ARL9: variants seen among roughly 807,000 people sequenced by gnomAD.
The protein encoded by ARL9 is ADP-ribosylation factor-like protein 9.
Under a neutral mutation model 27.0 loss-of-function variants are expected in ARL9, and 14 were observed. The observed-to-expected ratio is 0.52, with a 90% confidence interval of 0.34 to 0.81. ARL9 has a LOEUF of 0.81. Ranked by LOEUF, ARL9 falls within the 30% of genes least tolerant of loss-of-function variation. The pLI is 0.01. For synonymous variants in ARL9, 106 were observed against 108.7 expected (o/e 0.98, Z 0.15); for missense variants, 294 against 290.0 (o/e 1.01, Z -0.10).
In ARL9 at chr4:56,505,908, CAGGAGG is replaced by C. The variant is rs1360205274; in HGVS notation, c.49_54del (p.Glu17_Glu18del). ...GAAGAAAGAGAAGGAAAAGGAGACG[CAGGAGG>C]AGAAAATCGGAGAAAAGGGTAGGGA... On this transcript the variant is annotated inframe_deletion, in exon 1 of 4. Coordinates refer to ENST00000640821, the MANE Select transcript of ARL9 (RefSeq NM_001363794.2). The C allele has an allele frequency of 1.6e-6, 2 of 1,248,276 alleles. No homozygotes were observed. The highest frequency in any genetic ancestry group is 3.9e-5 in the Admixed American group (1 of 25,948). 77.3% of individuals were successfully genotyped at this position (1,248,276 alleles called of 1,614,324 possible). A position where few individuals can be genotyped will look rare whatever the true frequency, so the allele number is the denominator to read the frequency against.
At position 56,511,352 on chromosome 4, in the gene ARL9, G is replaced by T; in HGVS notation, c.442+5G>T. The T allele has an allele frequency of 3.7e-6, 6 of 1,610,590 alleles. No homozygotes were observed. The highest frequency in any genetic ancestry group is 3.4e-6 in the Non-Finnish European group (4 of 1,178,284). The stretch of plus-strand genomic sequence containing the variant: ...GCCAGATGGAGTTCCTGGAGAGTAA[G>T]CTCTCTGTTCCTTAGTTATAAGATA... On this transcript the variant is annotated splice_donor_5th_base_variant and intron_variant, in intron 2 of 3. Transcript: ENST00000640821.
intron 1 of ARL9, among the ~76,000 whole-genome samples, chr4:56,509,003 A>C (rs563121792): frequency 6.6e-6 from 1 of 152,282 alleles, no homozygotes; most frequent in Admixed American, 6.5e-5. Context: ...TTTGAGAAGT[A>C]GAATTGAATT....
At chr4:56,518,652 T>C (rs1721831641) in intron 2 of ARL9, 26 bp from the exon 3 acceptor site, 2 of 1,592,138 alleles carry the variant, frequency 1.3e-6, no homozygotes, top group East Asian at 4.5e-5. Flanking sequence ...TGTGTGTGTG[T>C]CTTCTTCCTC....
intron 1 of ARL9, among the ~76,000 whole-genome samples, chr4:56,508,521 G>A (rs1334546579): frequency 6.6e-6 from 1 of 152,034 alleles, no homozygotes; most frequent in Non-Finnish European, 1.5e-5. Context: ...CCAGTAGCTG[G>A]GATTACTGGC....
intron 3 of ARL9, among the ~76,000 whole-genome samples, chr4:56,520,623 AACTGT>A (rs1721892303): frequency 6.6e-6 from 1 of 152,208 alleles, no homozygotes; most frequent in Non-Finnish European, 1.5e-5. Flanking sequence ...AATGCCACTG[AACTGT>A]ACACTTAAAA....
At chr4:56,521,327 G>A (rs990634656) in intron 3 of ARL9, among the ~76,000 whole-genome samples, 3 of 152,068 alleles carry the variant, frequency 2.0e-5, no homozygotes, top group Admixed American at 6.6e-5. Context: ...TAAGTGAGCT[G>A]TATAGTATTC....
At chr4:56,518,583 G>A (rs1721828215) in intron 2 of ARL9, 95 bp from the exon 3 acceptor site, 2 of 1,067,274 alleles carry the variant, frequency 1.9e-6, no homozygotes, top group South Asian at 1.5e-5. Context: ...CACCTGTCCT[G>A]TGTTCAGAAA....
Position 56,518,762 on chromosome 4 carries a change from A to G in ARL9, c.527A>G (p.Asp176Gly). Residue 176 changes from aspartate to glycine, a missense_variant, in exon 3 of 4, where the codon GAT (aspartate) becomes GGT (glycine). Coordinates refer to ENST00000640821, the MANE Select transcript of ARL9 (RefSeq NM_001363794.2). ...LLLIFVVDSADHSRLPEAKKY... is the reference protein window; with the variant it reads ...LLLIFVVDSAGHSRLPEAKKY... ...CTGATCTTTGTGGTGGATTCAGCAG[A>G]TCACAGCCGATTACCTGAAGCCAAG... is the stretch of plus-strand genomic sequence containing the variant. The G allele has an allele frequency of 6.2e-7, 1 of 1,614,016 alleles. No individual in the cohort carries two copies. The highest frequency in any genetic ancestry group is 8.5e-7 in the Non-Finnish European group (1 of 1,179,882).
At chr4:56,514,889 C>A (rs544003030) in intron 2 of ARL9, among the ~76,000 whole-genome samples, 1 of 152,154 alleles carries the variant, frequency 6.6e-6, no homozygotes, top group Non-Finnish European at 1.5e-5. Flanking sequence ...AAACTAAATT[C>A]AGTTAACATA....
intron 3 of ARL9, among the ~76,000 whole-genome samples, chr4:56,520,405 A>G (rs1224450790): frequency 6.6e-6 from 1 of 152,218 alleles, no homozygotes; most frequent in East Asian, 1.9e-4. Flanking sequence ...AGCCAGTCAC[A>G]AAAGGGCAAA....
chr4:56,518,147 C>CAGGCATGCACCATAGGCATGCACCAT (rs200378225), intron 2 of ARL9, among the ~76,000 whole-genome samples: 1 of 152,010 alleles, frequency 6.6e-6, no homozygotes, highest in Non-Finnish European at 1.5e-5. Flanking sequence ...GGTAGCACCA[C>CAGGCATGCACCATAGGCATGCACCAT]AGGCATGCAC....
intron 1 of ARL9, among the ~76,000 whole-genome samples, chr4:56,507,292 G>A (rs1190543694): frequency 2.0e-5 from 3 of 152,010 alleles, no homozygotes; most frequent in South Asian, 2.1e-4. Flanking sequence ...GGACAGCAAC[G>A]TGGTTGGAAA....
At chr4:56,510,244 A>T (rs889011195) in intron 1 of ARL9, among the ~76,000 whole-genome samples, 1 of 150,678 alleles carries the variant, frequency 6.6e-6, no homozygotes, top group Non-Finnish European at 1.5e-5. Flanking sequence ...AATCTCAGCT[A>T]CTCGGGAGGC....
At chr4:56,509,201 CTTTTTTTTG>C (rs1161758074) in intron 1 of ARL9, among the ~76,000 whole-genome samples, 10 of 133,414 alleles carry the variant, frequency 7.5e-5, no homozygotes, top group African/African-American at 2.8e-4. Context: ...TTTTCTTTTT[CTTTTTTTTG>C]TTTTTTTTTT....
rs534559710 is a variant in ARL9 at position 56,517,779 on chromosome 4, A to AT, written c.443-889dup. On this transcript the variant is annotated intron_variant, in intron 2 of 3. Transcript: ENST00000640821. ...CAGCAGGATGAAGTAATCAAAAGGC[A>AT]TTTTTTTTTTCTGAAGCAAATATTC... 1.1e-3 allele frequency among the ~76,000 whole-genome samples: 162 copies of AT among 149,166 alleles called. 1 individual carries two copies. The highest frequency in any genetic ancestry group is 1.5e-3 in the African/African-American group (63 of 40,744).
chr4:56,513,172 C>T (rs898422945), intron 2 of ARL9, among the ~76,000 whole-genome samples: 2 of 152,198 alleles, frequency 1.3e-5, no homozygotes, highest in African/African-American at 4.8e-5. Flanking sequence ...GGTAAATTTT[C>T]ATAATGCCAC....
At chr4:56,505,500 C>G, upstream of ARL9, 1 of 480,406 alleles carries the variant, frequency 2.1e-6, no homozygotes, top group Non-Finnish European at 4.1e-6. Flanking sequence ...GCCACCCTGC[C>G]TGGCCCGAGG....
chr4:56,516,692 A>AGTCTG (rs1721776513), intron 2 of ARL9, among the ~76,000 whole-genome samples: 1 of 151,996 alleles, frequency 6.6e-6, no homozygotes. Flanking sequence ...GCACTTTGGG[A>AGTCTG]AGCCAAGGTG....
At chr4:56,519,022 G>A (rs1721845557) in intron 3 of ARL9, among the ~76,000 whole-genome samples, 169 bp downstream of exon 3, 1 of 152,088 alleles carries the variant, frequency 6.6e-6, no homozygotes, top group South Asian at 2.1e-4. Flanking sequence ...GTTCATTTTT[G>A]TGTCCCTTGT....
Sources: allele counts gnomAD v4.1 joint callset (sites outside exome capture counted in the v4.1 genomes callset), GRCh38; gene constraint gnomAD v4.1.1; transcripts MANE v1.5; gene names NCBI Gene and HGNC (gene_info 2026-07-23, HGNC 2026-07-21).